Variants in TESPA1 observed in about 807,000 individuals in gnomAD.
TESPA1 encodes the protein thymocyte expressed, positive selection associated 1.
In TESPA1, 33 loss-of-function variants were observed where a neutral mutation model predicts 57.9. The ratio of observed to expected loss-of-function variants is 0.57; its 90% confidence interval spans 0.43 to 0.76. The LOEUF is 0.76. Ranked by LOEUF, TESPA1 falls within the 30% of genes least tolerant of loss-of-function variation. TESPA1 has a pLI of 0.00. For missense variants in TESPA1, 618 were observed against 632.9 expected (o/e 0.98, Z 0.25); for synonymous variants, 227 against 228.9 (o/e 0.99, Z 0.07).
intron 10 of TESPA1, among the ~76,000 whole-genome samples, chr12:54,953,496 A>G (rs1033976872): frequency 4.7e-5 from 7 of 150,390 alleles, no homozygotes; most frequent in African/African-American, 1.7e-4. Context: ...GTCCAGACTT[A>G]CCTTCTCTAC....
chr12:54,974,312 G>C (rs1308231361), intron 2 of TESPA1, 88 bp downstream of exon 2: 1 of 1,243,586 alleles, frequency 8.0e-7, no homozygotes, highest in Non-Finnish European at 1.1e-6. Context: ...GGCTAAACAA[G>C]GAACCTGTTC....
chr12:54,967,077 G>C, intron 5 of TESPA1, 106 bp downstream of exon 5: 1 of 1,290,530 alleles, frequency 7.7e-7, no homozygotes, highest in Non-Finnish European at 1.1e-6. Flanking sequence ...TAAGACCCCA[G>C]GGATGGGCTG....
At chr12:54,959,589 C>T (rs896400008) in intron 10 of TESPA1, among the ~76,000 whole-genome samples, 5 of 152,126 alleles carry the variant, frequency 3.3e-5, no homozygotes, top group Admixed American at 1.3e-4. Context: ...GGTTATTGTC[C>T]GGGTTCTCTA....
intron 10 of TESPA1, among the ~76,000 whole-genome samples, chr12:54,959,674 C>T (rs1950958107): frequency 6.6e-6 from 1 of 152,136 alleles, no homozygotes. Flanking sequence ...TTGCATTTGC[C>T]TATTTCTCTA....
At position 54,973,701 on chromosome 12, in the gene TESPA1, TTC is replaced by T. The variant is rs545272744; in HGVS notation, c.164-184_164-183del. 1.7e-3 allele frequency: 2,295 copies of T among 1,365,560 alleles called. 4 individuals carry two copies. Among genetic ancestry groups the T allele is most frequent in the Non-Finnish European group, 2.0e-3 (2,164 of 1,061,202 alleles). 84.6% of individuals were successfully genotyped at this position (1,365,560 alleles called of 1,614,324 possible). On this transcript the variant is annotated intron_variant, in intron 2 of 10. Transcript: ENST00000449076. Reference sequence around the variant, plus strand: ...CGTATATAAAAATAGTAGATATTTCTTCTCTCTCTCTGCTTCTTTTCTCCCTT... The same window carrying T: ...CGTATATAAAAATAGTAGATATTTCTTCTCTCTCTGCTTCTTTTCTCCCTT...
At chr12:54,954,376 C>T (rs1421865061) in intron 10 of TESPA1, among the ~76,000 whole-genome samples, 2 of 152,228 alleles carry the variant, frequency 1.3e-5, no homozygotes, top group East Asian at 3.8e-4. Flanking sequence ...TCTGTATCTT[C>T]TTTTCTCTTC....
chr12:54,959,725 A>G (rs1463337214), intron 10 of TESPA1, among the ~76,000 whole-genome samples: 1 of 152,144 alleles, frequency 6.6e-6, no homozygotes, highest in Non-Finnish European at 1.5e-5. Context: ...CACTTCTCTG[A>G]TGGGTCTAGA....
rs200661843 is a variant in TESPA1, at chr12:54,963,158, T to A, written c.740A>T (p.Gln247Leu). The A allele has an allele frequency of 2.5e-4, 400 of 1,613,814 alleles. No homozygotes were observed. Among genetic ancestry groups the A allele is most frequent in the Non-Finnish European group, 3.2e-4 (377 of 1,179,884 alleles). The change falls in exon 9 of 11, where the codon CAA (glutamine) becomes CTA (leucine). Residue 247 changes from glutamine (Q) to leucine (L), a missense_variant. Gln to Leu is a moderately radical substitution (Grantham distance 113, BLOSUM62 -2). Transcript: ENST00000449076. ...LYSYVSKTPVQKFTPSHMFWN... is the reference protein window; with the variant it reads ...LYSYVSKTPVLKFTPSHMFWN... ...GAACATGTGGGATGGTGTGAACTTT[T>A]GGACAGGTGTCTTAGACACATAGGA...
intron 3 of TESPA1, 106 bp from the exon 4 acceptor site, chr12:54,967,998 A>G (rs1201316946): frequency 6.4e-7 from 1 of 1,563,988 alleles, no homozygotes; most frequent in Non-Finnish European, 8.6e-7. Context: ...AGTGAGAGTC[A>G]GTAGTATTTA....
chr12:54,977,883 G>A (rs576617537), intron 1 of TESPA1, among the ~76,000 whole-genome samples: 87 of 152,250 alleles, frequency 5.7e-4, no homozygotes, highest in African/African-American at 2.1e-3. Context: ...TTGAATTGTA[G>A]AGCCCTGTCC....
intron 10 of TESPA1, among the ~76,000 whole-genome samples, chr12:54,955,119 A>G (rs1012515057): frequency 6.6e-6 from 1 of 152,220 alleles, no homozygotes; most frequent in African/African-American, 2.4e-5. Context: ...ACTAATAGCC[A>G]TCCTAACAGG....
intron 1 of TESPA1, among the ~76,000 whole-genome samples, chr12:54,981,284 G>A (rs1952310356): frequency 6.6e-6 from 1 of 152,174 alleles, no homozygotes; most frequent in African/African-American, 2.4e-5. Context: ...AGGAAGGAAA[G>A]AAGGAAGGAA....
intron 5 of TESPA1, 47 bp from the exon 6 acceptor site, chr12:54,966,471 A>G: frequency 1.2e-6 from 2 of 1,601,324 alleles, no homozygotes; most frequent in Non-Finnish European, 1.7e-6. Flanking sequence ...AGGGAAAATG[A>G]AAATCACCTG....
At chr12:54,970,178 T>C (rs1951742816) in intron 3 of TESPA1, among the ~76,000 whole-genome samples, 2 of 152,108 alleles carry the variant, frequency 1.3e-5, no homozygotes, top group South Asian at 4.1e-4. Context: ...GCTCAAGCAA[T>C]CCTCCTGCCT....
At position 54,973,543 on chromosome 12, in the gene TESPA1, A is replaced by C. The variant is rs750938231; in HGVS notation, c.164-24T>G. ...CCCTAGAAAAGTCAGACACTAGATC[A>C]CTGTGAGAACTGAACGAAATCAGAC... On this transcript the variant is annotated intron_variant, in intron 2 of 10. Transcript: ENST00000449076. 1.9e-6 allele frequency: 3 copies of C among 1,614,012 alleles called. No homozygotes were observed. The South Asian group carries it at 3.3e-5, about 18-fold the overall frequency.
chr12:54,966,537 C>T, intron 5 of TESPA1, 113 bp from the exon 6 acceptor site: 2 of 1,255,652 alleles, frequency 1.6e-6, no homozygotes, highest in Admixed American at 2.3e-5. Context: ...GTGACTATGA[C>T]AGGCTAGCTG....
At chr12:54,981,390 A>G (rs1384997345) in intron 1 of TESPA1, among the ~76,000 whole-genome samples, 1 of 128,112 alleles carries the variant, frequency 7.8e-6, no homozygotes, top group African/African-American at 3.0e-5. Context: ...AAAGTAAGCA[A>G]TGAAAAGTCT....
chr12:54,951,840 T>G (rs566594550), intron 10 of TESPA1, among the ~76,000 whole-genome samples: 8 of 151,124 alleles, frequency 5.3e-5, no homozygotes, highest in Non-Finnish European at 8.8e-5. Flanking sequence ...ATATTAATAT[T>G]TCTAAGTTGT....
At chr12:54,953,270 CCTTT>C (rs1026264247) in intron 10 of TESPA1, among the ~76,000 whole-genome samples, 1 of 152,010 alleles carries the variant, frequency 6.6e-6, no homozygotes, top group African/African-American at 2.4e-5. Flanking sequence ...TTTATAACTT[CCTTT>C]CTATTTATCT....
Sources: allele counts gnomAD v4.1 joint callset (sites outside exome capture counted in the v4.1 genomes callset), GRCh38; gene constraint gnomAD v4.1.1; transcripts MANE v1.5; gene names NCBI Gene and HGNC (gene_info 2026-07-23, HGNC 2026-07-21).